DPYD: variants seen among roughly 807,000 people sequenced by gnomAD.
DPYD encodes the protein dihydropyrimidine dehydrogenase.
Under a neutral mutation model 116.2 loss-of-function variants are expected in DPYD, and 109 were observed. That is an observed-to-expected ratio of 0.94 (90% CI 0.80 to 1.10). The LOEUF is 1.10. DPYD is among the 50% of genes least tolerant of loss of function. The pLI is 0.00. For missense variants in DPYD, 1,302 were observed against 1,254.5 expected, an observed-to-expected ratio of 1.04 and a Z score of -0.57; for synonymous variants, 440 against 432.0, an observed-to-expected ratio of 1.02 and a Z score of -0.23.
At chr1:97,787,038 T>C (rs1667075712) in intron 3 of DPYD, among the ~76,000 whole-genome samples, 1 of 152,170 alleles carries the variant, frequency 6.6e-6, no homozygotes, top group Non-Finnish European at 1.5e-5. Flanking sequence ...CTAAGAACAG[T>C]CCTTAAAATA....
chr1:97,404,395 C>G (rs1455962826), intron 14 of DPYD, among the ~76,000 whole-genome samples: 1 of 152,044 alleles, frequency 6.6e-6, no homozygotes, highest in African/African-American at 2.4e-5. Context: ...GTTGTAGTCT[C>G]CAACTATGCT....
rs551989839 is a variant in DPYD at position 97,845,874 on chromosome 1, G to A, written c.151-17678C>T. The stretch of plus-strand genomic sequence containing the variant: ...CGTGTGGGTGCATACAGCAGATGCC[G>A]CATGTGGTACATCTGATCCAGCTGC... On this transcript the variant is annotated intron_variant, in intron 2 of 22. Transcript: ENST00000370192. Among the ~76,000 whole-genome samples the A allele has an allele frequency of 5.9e-5, 9 of 152,288 alleles. No individual in the cohort carries two copies. The East Asian group carries it at 7.8e-4, about 13-fold the overall frequency.
rs75523359 is a variant in DPYD at position 97,913,242 on chromosome 1, C to G, written c.39+7642G>C. On this transcript the variant is annotated intron_variant, in intron 1 of 22. Coordinates refer to ENST00000370192, the MANE Select transcript of DPYD (RefSeq NM_000110.4). ...AGCAGACATTAAAAAAGTTTAAAAT[C>G]AGGTGAATAAGCACATGAAATTCAT... 3.6e-3 allele frequency among the ~76,000 whole-genome samples: 542 copies of G among 152,208 alleles called. 7 individuals are homozygous for G. The East Asian group carries it at 0.053, about 15-fold the overall frequency.
At chr1:97,747,627 C>T (rs1009889086) in intron 3 of DPYD, among the ~76,000 whole-genome samples, 3 of 152,150 alleles carry the variant, frequency 2.0e-5, no homozygotes, top group African/African-American at 7.2e-5. Flanking sequence ...TCAGATAATA[C>T]ATAGCATATA....
chr1:97,322,204 T>G (rs952032095), intron 16 of DPYD, among the ~76,000 whole-genome samples: 1 of 148,400 alleles, frequency 6.7e-6, no homozygotes. Flanking sequence ...CTGCACAATG[T>G]GCACATGTAC....
chr1:97,194,007 A>T (rs951936491), intron 19 of DPYD, among the ~76,000 whole-genome samples: 1 of 152,126 alleles, frequency 6.6e-6, no homozygotes, highest in African/African-American at 2.4e-5. Context: ...TTGCATTATT[A>T]TTTAGTTGAC....
At chr1:97,781,875 A>T (rs1462861956) in intron 3 of DPYD, among the ~76,000 whole-genome samples, 1 of 152,232 alleles carries the variant, frequency 6.6e-6, no homozygotes, top group African/African-American at 2.4e-5. Flanking sequence ...AGCTTAGCTC[A>T]ATAACCACAC....
intron 14 of DPYD, among the ~76,000 whole-genome samples, chr1:97,430,430 C>T (rs187820441): frequency 6.6e-6 from 1 of 152,190 alleles, no homozygotes; most frequent in East Asian, 1.9e-4. Context: ...TGACAGTTGC[C>T]TTTAAAAAAA....
At chr1:97,440,422 TTTC>T (rs1047331308) in intron 14 of DPYD, among the ~76,000 whole-genome samples, 2 of 152,162 alleles carry the variant, frequency 1.3e-5, no homozygotes, top group Non-Finnish European at 2.9e-5. Flanking sequence ...TTTACTCCTC[TTTC>T]TTCTTCTTTC....
At chr1:97,173,562 T>G (rs1657034557) in intron 20 of DPYD, among the ~76,000 whole-genome samples, 1 of 151,338 alleles carries the variant, frequency 6.6e-6, no homozygotes, top group Non-Finnish European at 1.5e-5. Flanking sequence ...TACTATTTTT[T>G]TTTTAACAAT....
At chr1:97,334,707 C>A (rs1238289255) in intron 16 of DPYD, among the ~76,000 whole-genome samples, 2 of 152,140 alleles carry the variant, frequency 1.3e-5, no homozygotes, top group African/African-American at 2.4e-5. Context: ...CTGGTGCTGA[C>A]CACATAGTAG....
chr1:97,769,836 G>T (rs1202233701), intron 3 of DPYD, among the ~76,000 whole-genome samples: 1 of 152,104 alleles, frequency 6.6e-6, no homozygotes, highest in Non-Finnish European at 1.5e-5. Flanking sequence ...ACCATTTAGG[G>T]TGGGAATATA....
chr1:97,503,233 G>A (rs1378428507), intron 13 of DPYD, among the ~76,000 whole-genome samples: 2 of 152,024 alleles, frequency 1.3e-5, no homozygotes, highest in Admixed American at 6.6e-5. Flanking sequence ...TGATCAACAG[G>A]AGATGTCCAA....
At position 97,646,993 on chromosome 1, in the gene DPYD, G is replaced by A. The variant is rs55820826; in HGVS notation, c.850+32102C>T. Among the ~76,000 whole-genome samples, 703 of 152,152 alleles carry A rather than the reference G, an allele frequency of 4.6e-3. 1 individual carries two copies. The highest frequency in any genetic ancestry group is 0.016 in the African/African-American group (669 of 41,548). On this transcript the variant is annotated intron_variant, in intron 8 of 22. Transcript: ENST00000370192. ...ACCCATCCATTTAAAGAAGAACAAAGTGCCCTTGTATCTGATACCATTCCT... is the reference window on the plus strand; with the variant it reads ...ACCCATCCATTTAAAGAAGAACAAAATGCCCTTGTATCTGATACCATTCCT...
intron 13 of DPYD, among the ~76,000 whole-genome samples, chr1:97,453,927 A>G (rs760696882): frequency 6.6e-6 from 1 of 152,030 alleles, no homozygotes; most frequent in Non-Finnish European, 1.5e-5. Flanking sequence ...TATAATAGAG[A>G]ATGTTTATTT....
intron 8 of DPYD, among the ~76,000 whole-genome samples, chr1:97,648,355 A>T (rs1658389342): frequency 6.6e-6 from 1 of 152,042 alleles, no homozygotes; most frequent in East Asian, 1.9e-4. Context: ...AAGTGGACCC[A>T]GTCAGGTAGA....
chr1:97,863,826 G>C (rs921352700), intron 2 of DPYD, among the ~76,000 whole-genome samples: 1 of 151,876 alleles, frequency 6.6e-6, no homozygotes, highest in Non-Finnish European at 1.5e-5. Context: ...GATCTGTCCA[G>C]AGGCAACTTA....
intron 1 of DPYD, among the ~76,000 whole-genome samples, chr1:97,919,599 G>GT (rs1674397334): frequency 6.6e-6 from 1 of 152,106 alleles, no homozygotes; most frequent in African/African-American, 2.4e-5. Context: ...TTTTTAAAAA[G>GT]TTAAGTCAAA....
intron 8 of DPYD, among the ~76,000 whole-genome samples, chr1:97,676,118 G>A (rs1463945983): frequency 6.6e-6 from 1 of 152,016 alleles, no homozygotes; most frequent in Non-Finnish European, 1.5e-5. Flanking sequence ...TGTTTTCTTT[G>A]CTACTAAGTA....
Sources: gnomAD v4.1 joint callset for allele counts (sites outside exome capture counted in the v4.1 genomes callset) on GRCh38, gnomAD v4.1.1 for gene constraint, MANE v1.5 for transcripts, NCBI Gene and HGNC (gene_info 2026-07-23, HGNC 2026-07-21) for gene names.